INPP5F: variants seen among roughly 807,000 people sequenced by gnomAD.
INPP5F encodes the protein inositol polyphosphate-5-phosphatase F.
In INPP5F, 97 loss-of-function variants were observed where a neutral mutation model predicts 137.2. The observed-to-expected ratio is 0.71, with a 90% confidence interval of 0.60 to 0.84. The LOEUF (loss-of-function observed/expected upper bound fraction) is 0.84, where lower values mean the gene tolerates loss of function less well. INPP5F is among the 40% of genes least tolerant of loss of function. INPP5F has a pLI of 0.00. For synonymous variants in INPP5F, 504 were observed against 476.9 expected (o/e 1.06, Z -0.74); for missense variants, 1,271 against 1,371.9 (o/e 0.93, Z 1.16).
intron 10 of INPP5F, among the ~76,000 whole-genome samples, chr10:119,804,775 G>A (rs899204055): frequency 1.3e-4 from 19 of 151,826 alleles, no homozygotes; most frequent in Middle Eastern, 6.3e-3. Context: ...AGGCTGAAGT[G>A]GAGTGCGGTG....
At chr10:119,757,266 C>G (rs1848875606) in intron 2 of INPP5F, among the ~76,000 whole-genome samples, 1 of 151,292 alleles carries the variant, frequency 6.6e-6, no homozygotes, top group Non-Finnish European at 1.5e-5. Context: ...GTGGATTTCC[C>G]CATGTTGGCC....
rs1216299499 is a variant in INPP5F, at chr10:119,794,591, G to A, written c.670-2124G>A. On this transcript the variant is annotated intron_variant, in intron 6 of 19. Coordinates refer to ENST00000650623, the MANE Select transcript of INPP5F (RefSeq NM_014937.4). ...GAGGGGCTCCTCACTTTCCAGTAGGGGCGGCCGGGCAAAGGCGCCCCTCAC... is the reference window on the plus strand; with the variant it reads ...GAGGGGCTCCTCACTTTCCAGTAGGAGCGGCCGGGCAAAGGCGCCCCTCAC... Among the ~76,000 whole-genome samples, 5 of 151,662 alleles carry A rather than the reference G, an allele frequency of 3.3e-5. No individual in the cohort carries two copies. In the East Asian group the frequency reaches 9.9e-4, roughly 30 times the overall value.
chr10:119,753,291 A>G (rs1848740123), intron 2 of INPP5F, among the ~76,000 whole-genome samples: 1 of 152,206 alleles, frequency 6.6e-6, no homozygotes, highest in South Asian at 2.1e-4. Context: ...ATCAGTTAGG[A>G]GACCTGAAGA....
chr10:119,780,914 G>A (rs776557016), intron 2 of INPP5F, among the ~76,000 whole-genome samples: 4 of 152,218 alleles, frequency 2.6e-5, no homozygotes, highest in Admixed American at 6.5e-5. Flanking sequence ...CATCCGTGGA[G>A]TTTGGTATCC....
chr10:119,739,153 G>GTC (rs1848302660), intron 1 of INPP5F, among the ~76,000 whole-genome samples: 1 of 152,160 alleles, frequency 6.6e-6, no homozygotes, highest in African/African-American at 2.4e-5. Context: ...CTGCACTTCA[G>GTC]TCTGGGTAGC....
At chr10:119,759,265 C>G (rs1351882783) in intron 2 of INPP5F, among the ~76,000 whole-genome samples, 1 of 152,230 alleles carries the variant, frequency 6.6e-6, no homozygotes, top group Non-Finnish European at 1.5e-5. Context: ...AAGCAGTCTA[C>G]CTGCCTTGGC....
intron 1 of INPP5F, among the ~76,000 whole-genome samples, chr10:119,747,382 C>T (rs1304411067): frequency 3.3e-5 from 5 of 151,976 alleles, no homozygotes; most frequent in Admixed American, 2.0e-4. Flanking sequence ...CCACCACGCC[C>T]AGCTAATTTT....
In INPP5F at chr10:119,826,038, A is replaced by G. The variant is rs563587934; in HGVS notation, c.2250-593A>G. ...AATCAGGTAACCCACAGGACATATA[A>G]GAAAATGGAAGTCTTACTCCTGTCT... On this transcript the variant is annotated intron_variant, in intron 19 of 19. Transcript: ENST00000650623. 5 of 398,552 alleles carry G rather than the reference A, an allele frequency of 1.3e-5. No individual in the cohort carries two copies. In the East Asian group the frequency reaches 1.4e-4, roughly 11 times the overall value. The allele number at this position is 398,552 out of a possible 1,614,324, so 24.7% of individuals were successfully genotyped here.
intron 14 of INPP5F, among the ~76,000 whole-genome samples, chr10:119,811,224 C>G (rs578086279): frequency 1.4e-4 from 22 of 152,312 alleles, no homozygotes; most frequent in African/African-American, 4.8e-4. Flanking sequence ...GCAATCTGTG[C>G]TTGTCTCTTT....
At chr10:119,798,008 C>T (rs1829808551) in intron 8 of INPP5F, among the ~76,000 whole-genome samples, 2 of 151,274 alleles carry the variant, frequency 1.3e-5, no homozygotes, top group Non-Finnish European at 1.5e-5. Flanking sequence ...AATAAGATGC[C>T]TTTACTCAAA....
At chr10:119,780,898 C>G (rs967153648) in intron 2 of INPP5F, among the ~76,000 whole-genome samples, 3 of 152,178 alleles carry the variant, frequency 2.0e-5, no homozygotes, top group Admixed American at 2.0e-4. Flanking sequence ...ACATGAGAGA[C>G]TTGAGCATCC....
rs370869637 is a variant in INPP5F, at chr10:119,744,266, A to C, written c.98-6810A>C. Among the ~76,000 whole-genome samples the C allele has an allele frequency of 8.5e-4, 130 of 152,292 alleles. 4 individuals are homozygous for C. The South Asian group carries it at 0.027, about 31-fold the overall frequency. Reference sequence around the variant, plus strand: ...GCACACATAGAACACTTGCAAATTGACTTGTCAAATTCCTTTCCCACACCT... The same window carrying C: ...GCACACATAGAACACTTGCAAATTGCCTTGTCAAATTCCTTTCCCACACCT... On this transcript the variant is annotated intron_variant, in intron 1 of 19. Coordinates refer to ENST00000650623, the MANE Select transcript of INPP5F (RefSeq NM_014937.4).
intron 2 of INPP5F, among the ~76,000 whole-genome samples, chr10:119,776,079 G>A (rs1022070626): frequency 2.0e-5 from 3 of 152,176 alleles, no homozygotes; most frequent in African/African-American, 7.2e-5. Flanking sequence ...GAGAATTGGA[G>A]CAGCTAAGTA....
intron 6 of INPP5F, among the ~76,000 whole-genome samples, chr10:119,795,069 C>T (rs1478057593): frequency 8.6e-5 from 11 of 128,632 alleles, no homozygotes; most frequent in African/African-American, 3.3e-4. Flanking sequence ...GCTGGCCGGG[C>T]GGGGGGCTGA....
At chr10:119,761,992 A>G (rs896026058) in intron 2 of INPP5F, among the ~76,000 whole-genome samples, 4 of 152,218 alleles carry the variant, frequency 2.6e-5, no homozygotes, top group African/African-American at 9.7e-5. Flanking sequence ...ACCAAAATCC[A>G]TGCATGCTCA....
intron 2 of INPP5F, among the ~76,000 whole-genome samples, chr10:119,765,759 G>A (rs1002287091): frequency 6.8e-6 from 1 of 147,654 alleles, no homozygotes; most frequent in Non-Finnish European, 1.5e-5. Flanking sequence ...GTGTGTGTGT[G>A]TGTGTGTGTG....
In INPP5F at chr10:119,791,528, G is replaced by T; in HGVS notation, c.327G>T (p.Lys109Asn). The change falls in exon 4 of 20, where the codon AAG (lysine) becomes AAT (asparagine). Residue 109 changes from lysine (K) to asparagine (N), a missense_variant. Physicochemically the swap from Lys to Asn is moderately conservative, Grantham distance 94 (BLOSUM62 0). Around this residue, in one of 6 missense-constraint regions of INPP5F, gnomAD observed 62 missense variants for 55.0 expected, o/e 1.13. Transcript: ENST00000650623. ...PQDLELELCK[K>N]HHFGINKPEK... ...CTCTTCCTATTTAGCTCTGTAAGAA[G>T]CATCATTTTGGTATTAACAAACCAG... The T allele has an allele frequency of 6.2e-7, 1 of 1,600,098 alleles. No homozygotes were observed. The highest frequency in any genetic ancestry group is 2.2e-5 in the East Asian group (1 of 44,746).
chr10:119,777,834 T>C (rs564996988), intron 2 of INPP5F, among the ~76,000 whole-genome samples: 298 of 152,242 alleles, frequency 2.0e-3, no homozygotes, highest in Non-Finnish European at 3.1e-3. Flanking sequence ...CTTAAAACTT[T>C]GGAGTAAATT....
At chr10:119,777,812 G>T (rs1849575204) in intron 2 of INPP5F, among the ~76,000 whole-genome samples, 1 of 152,048 alleles carries the variant, frequency 6.6e-6, no homozygotes, top group African/African-American at 2.4e-5. Context: ...TAGGGAAATG[G>T]CCTATAAAAG....
Sources: gnomAD v4.1 joint callset for allele counts (sites outside exome capture counted in the v4.1 genomes callset) on GRCh38, gnomAD v4.1.1 for gene constraint, gnomAD v4.1.1 regional missense constraint, MANE v1.5 for transcripts, NCBI Gene and HGNC (gene_info 2026-07-23, HGNC 2026-07-21) for gene names.